Variants in ZNF229 observed in about 807,000 individuals in gnomAD.
ZNF229 encodes the protein zinc finger protein 229.
Under a neutral mutation model 11.8 loss-of-function variants are expected in ZNF229, and 10 were observed. That is an observed-to-expected ratio of 0.85 (90% CI 0.52 to 1.44). ZNF229 has a LOEUF of 1.44. Ranked by LOEUF, ZNF229 falls within the 40% of genes most tolerant of loss-of-function variation. The pLI is 0.00. For missense variants in ZNF229, 1,045 were observed against 1,015.1 expected, an observed-to-expected ratio of 1.03 and a Z score of -0.40; for synonymous variants, 368 against 374.8, an observed-to-expected ratio of 0.98 and a Z score of 0.21.
At chr19:44,435,405 G>A (rs902128175) in intron 4 of ZNF229, among the ~76,000 whole-genome samples, 8 of 152,176 alleles carry the variant, frequency 5.3e-5, no homozygotes, top group Non-Finnish European at 8.8e-5. Flanking sequence ...GGGAAAAGAC[G>A]CATGGGGTGA....
At position 44,427,245 on chromosome 19, in the gene ZNF229, C is replaced by T. The variant is rs948159998; in HGVS notation, c.*1058G>A. 2.1e-5 allele frequency: 3 copies of T among 141,182 alleles called. No individual in the cohort carries two copies. Among genetic ancestry groups the T allele is most frequent in the African/African-American group, 7.8e-5 (3 of 38,476 alleles). The allele number at this position is 141,182 out of a possible 1,614,324, so 8.7% of individuals were successfully genotyped here. A position where few individuals can be genotyped will look rare whatever the true frequency, so the allele number is the denominator to read the frequency against. The stretch of plus-strand genomic sequence containing the variant: ...TATCAGACTGTTTCTACAACCCCCC[C>T]CCCCGCCCCCACTGATGGGGGATTT... On this transcript the variant is annotated 3_prime_UTR_variant, in exon 6 of 6. Coordinates refer to ENST00000614049, the MANE Select transcript of ZNF229 (RefSeq NM_014518.4).
chr19:44,434,599 C>T (rs1454152215), intron 4 of ZNF229, among the ~76,000 whole-genome samples: 1 of 152,150 alleles, frequency 6.6e-6, no homozygotes, highest in Non-Finnish European at 1.5e-5. Flanking sequence ...AATATCATTG[C>T]TGTCTTCACT....
At chr19:44,445,759 G>C (rs1971992605) in intron 2 of ZNF229, among the ~76,000 whole-genome samples, 1 of 152,156 alleles carries the variant, frequency 6.6e-6, no homozygotes, top group Non-Finnish European at 1.5e-5. Flanking sequence ...AACTCTATGA[G>C]GGCCAGTATT....
Position 44,429,935 on chromosome 19 carries a change from C to A in ZNF229, c.846G>T (p.Pro282=), listed in dbSNP as rs758549071. The A allele has an allele frequency of 6.2e-7, 1 of 1,613,894 alleles. No homozygotes were observed. Among genetic ancestry groups the A allele is most frequent in the Non-Finnish European group, 8.5e-7 (1 of 1,179,906 alleles). The change falls in exon 6 of 6, where the codon CCG becomes CCT. Residue 282 remains proline, a synonymous_variant. Coordinates refer to ENST00000614049, the MANE Select transcript of ZNF229 (RefSeq NM_014518.4). ...NGFRDDADLP[P]HPRVPLKEKL... ...TCTCTTTCAAAGGTACTCTTGGATG[C>A]GGGGGAAGGTCTGCATCGTCCCTGA...
At position 44,428,694 on chromosome 19, in the gene ZNF229, C is replaced by T. The variant is rs1027633405; in HGVS notation, c.2087G>A (p.Gly696Asp). Reference sequence around the variant, plus strand: ...CCTCTGGTGGGTGCGAAGATTAGAGCCATAACTGAATCCCTTGCCACACTG... The same window carrying T: ...CCTCTGGTGGGTGCGAAGATTAGAGTCATAACTGAATCCCTTGCCACACTG... ...CDQCGKGFSY[G>D]SNLRTHQRLH... is the part of the protein sequence containing the mutation. Residue 696 changes from glycine to aspartate, a missense_variant, in exon 6 of 6, where the codon GGC (glycine) becomes GAC (aspartate). Physicochemically the swap from Gly to Asp is moderately conservative, Grantham distance 94. Transcript: ENST00000614049. 2 of 1,613,574 alleles carry T rather than the reference C, an allele frequency of 1.2e-6. No homozygotes were observed. Among genetic ancestry groups the T allele is most frequent in the Non-Finnish European group, 1.7e-6 (2 of 1,179,908 alleles).
chr19:44,431,824 A>C, intron 5 of ZNF229: 1 of 988,798 alleles, frequency 1.0e-6, no homozygotes, highest in East Asian at 1.1e-4. Flanking sequence ...AAAAATTCCT[A>C]TGTTGAAATC....
Position 44,428,615 on chromosome 19 carries a change from T to C in ZNF229, c.2166A>G (p.Arg722=), listed in dbSNP as rs1170623611. The change falls in exon 6 of 6, where the codon AGA becomes AGG. Residue 722 remains arginine (R), a synonymous_variant. Coordinates refer to ENST00000614049, the MANE Select transcript of ZNF229 (RefSeq NM_014518.4). ...TATGACTAAGGAGACCTGAGCCATA[T>C]CTGAAACCCTTCCCACATTCACAAC... ...YTCCECGKGF[R]YGSGLLSHKR... The C allele has an allele frequency of 1.2e-6, 2 of 1,613,906 alleles. No homozygotes were observed. The highest frequency in any genetic ancestry group is 1.7e-6 in the Non-Finnish European group (2 of 1,180,012).
In ZNF229 at chr19:44,428,183, G is replaced by T; in HGVS notation, c.*120C>A. ...TCCCTTCCTATGCAGACTAGAAAAT[G>T]TAAAATCATCAGTTTCTCCTATAGC... On this transcript the variant is annotated 3_prime_UTR_variant, in exon 6 of 6. Transcript: ENST00000614049. 1 of 1,150,394 alleles carries T rather than the reference G, an allele frequency of 8.7e-7. No homozygotes were observed. Among genetic ancestry groups the T allele is most frequent in the Non-Finnish European group, 1.2e-6 (1 of 819,032 alleles). The allele number at this position is 1,150,394 out of a possible 1,614,324, so 71.3% of individuals were successfully genotyped here. A position where few individuals can be genotyped will look rare whatever the true frequency, so the allele number is the denominator to read the frequency against.
chr19:44,442,792 C>CCCACAAAA, intron 3 of ZNF229, 22 bp downstream of exon 3: 1 of 1,538,326 alleles, frequency 6.5e-7, no homozygotes, highest in Non-Finnish European at 9.0e-7. Context: ...TCCCCCCACC[C>CCCACAAAA]ACCCCCTCTA....
chr19:44,429,103 G>A lies in ZNF229; in HGVS notation c.1678C>T (p.His560Tyr), dbSNP rs559163646. The part of the protein sequence containing the change: ...GKSFGRSSDL[H>Y]IHQRVHTGEK... ...CCTGTGTGGACCCTCTGATGGATGT[G>A]GAGGTCGGAGCTCCGGCCAAAGCTC... The change falls in exon 6 of 6, where the codon CAC becomes TAC. Residue 560 changes from histidine to tyrosine, a missense_variant. Physicochemically the swap from His to Tyr is moderately conservative, Grantham distance 83. Coordinates refer to ENST00000614049, the MANE Select transcript of ZNF229 (RefSeq NM_014518.4). The A allele has an allele frequency of 5.0e-6, 8 of 1,613,704 alleles. No homozygotes were observed. The highest frequency in any genetic ancestry group is 3.3e-5 in the South Asian group (3 of 91,066).
In ZNF229 at chr19:44,429,307, C is replaced by G. The variant is rs984316238; in HGVS notation, c.1474G>C (p.Asp492His). The G allele has an allele frequency of 1.2e-6, 2 of 1,613,856 alleles. No individual in the cohort carries two copies. The highest frequency in any genetic ancestry group is 2.7e-5 in the African/African-American group (2 of 74,854). Residue 492 changes from aspartate (D) to histidine (H), a missense_variant, in exon 6 of 6, where the codon GAC becomes CAC. Physicochemically the swap from Asp to His is moderately conservative, Grantham distance 81. Coordinates refer to ENST00000614049, the MANE Select transcript of ZNF229 (RefSeq NM_014518.4). ...THTGERPYQC[D>H]KCGKGFSHNS... ...TGACTGAAACCTTTGCCACACTTGT[C>G]ACACTGGTAGGGCCTCTCGCCGGTG...
chr19:44,429,089 CCT>C lies in ZNF229; in HGVS notation c.1690_1691del (p.Arg564GlyfsTer9). ...TATAGGGTTTCTCTCCTGTGTGGAC[CCT>C]CTGATGGATGTGGAGGTCGGAGCTC... is the stretch of plus-strand genomic sequence containing the variant. The part of the protein sequence containing the change: ...GRSSDLHIHQ[R>X]VHTGEKPYKC... On this transcript the variant is annotated frameshift_variant, in exon 6 of 6. Transcript: ENST00000614049. LOFTEE classifies it low-confidence loss of function (END_TRUNC). The C allele has an allele frequency of 6.2e-7, 1 of 1,613,760 alleles. No individual in the cohort carries two copies. The highest frequency in any genetic ancestry group is 8.5e-7 in the Non-Finnish European group (1 of 1,179,974).
At chr19:44,438,100 A>G (rs1971845255) in intron 4 of ZNF229, among the ~76,000 whole-genome samples, 1 of 152,214 alleles carries the variant, frequency 6.6e-6, no homozygotes, top group East Asian at 1.9e-4. Context: ...AAACCTGCCT[A>G]TGTACCCTGA....
chr19:44,432,454 A>T (rs1054108683), intron 4 of ZNF229, 88 bp from the exon 5 acceptor site: 5 of 1,555,844 alleles, frequency 3.2e-6, no homozygotes, highest in South Asian at 2.4e-5. Flanking sequence ...AAAAAAATTT[A>T]AAAATCTGGA....
Position 44,432,790 on chromosome 19 carries a change from T to C in ZNF229, c.94-424A>G, listed in dbSNP as rs564571641. 1.9e-4 allele frequency among the ~76,000 whole-genome samples: 29 copies of C among 152,008 alleles called. 1 individual carries two copies. Among genetic ancestry groups the C allele is most frequent in the African/African-American group, 6.5e-4 (27 of 41,384 alleles). ...CACCAACACGGCACATGTATACATA[T>C]GTAACTAACCTGCACATTGTGCACA... is the stretch of plus-strand genomic sequence containing the variant. On this transcript the variant is annotated intron_variant, in intron 4 of 5. Transcript: ENST00000614049.
chr19:44,431,064 G>A (rs1467336315), intron 5 of ZNF229, among the ~76,000 whole-genome samples: 3 of 152,082 alleles, frequency 2.0e-5, no homozygotes, highest in East Asian at 1.9e-4. Flanking sequence ...AAGCCCACAC[G>A]GCCTTCTCCC....
intron 4 of ZNF229, among the ~76,000 whole-genome samples, chr19:44,441,914 C>A (rs570567298): frequency 1.4e-5 from 2 of 145,520 alleles, no homozygotes; most frequent in Admixed American, 1.4e-4. Flanking sequence ...CCTTTCAAAT[C>A]TTTGGCTGTC....
chr19:44,431,873 T>A (rs1971728751), intron 5 of ZNF229: 5 of 925,676 alleles, frequency 5.4e-6, no homozygotes, highest in Non-Finnish European at 6.5e-6. Context: ...GTGGTGGGTC[T>A]TCCGGAGGTA....
intron 4 of ZNF229, among the ~76,000 whole-genome samples, chr19:44,436,598 T>C (rs536094467): frequency 1.3e-4 from 19 of 151,752 alleles, no homozygotes; most frequent in Admixed American, 2.6e-4. Context: ...CTTGGCAACA[T>C]AGGGAGACCT....
Sources: gnomAD v4.1 joint callset for allele counts (sites outside exome capture counted in the v4.1 genomes callset) on GRCh38, gnomAD v4.1.1 for gene constraint, MANE v1.5 for transcripts, NCBI Gene and HGNC (gene_info 2026-07-23, HGNC 2026-07-21) for gene names.